Variants in KDM4A observed in about 807,000 individuals in gnomAD.
KDM4A encodes lysine demethylase 4A, also known as lysine-specific demethylase 4A.
Under a neutral mutation model 127.1 loss-of-function variants are expected in KDM4A, and 23 were observed. That is an observed-to-expected ratio of 0.18 (90% CI 0.13 to 0.26). The LOEUF (loss-of-function observed/expected upper bound fraction) is 0.26, where lower values mean the gene tolerates loss of function less well. Ranked by LOEUF, KDM4A falls within the 10% of genes least tolerant of loss-of-function variation. The pLI is 1.00. For synonymous variants in KDM4A, 443 were observed against 466.5 expected (o/e 0.95, Z 0.65); for missense variants, 890 against 1,329.1 (o/e 0.67, Z 5.14).
intron 11 of KDM4A, among the ~76,000 whole-genome samples, chr1:43,683,021 T>A (rs954452758): frequency 2.6e-5 from 4 of 152,240 alleles, no homozygotes; most frequent in African/African-American, 9.6e-5. Context: ...GCTCTGACAT[T>A]ATGTAAATGC....
In KDM4A at chr1:43,660,309, C is replaced by T; in HGVS notation, c.326C>T (p.Pro109Leu). The change falls in exon 4 of 22, where the codon CCA becomes CTA. Residue 109 changes from proline (P) to leucine (L), a missense_variant. Physicochemically the swap from Pro to Leu is moderately conservative, Grantham distance 98 (BLOSUM62 -3). Coordinates refer to ENST00000372396, the MANE Select transcript of KDM4A (RefSeq NM_014663.3). ...KIANSDKYCT[P>L]RYSEFEELER... is the part of the protein sequence containing the mutation. ...TTACTTTCAAAAAGGTACTGTACCCCACGCTATAGTGAGTTTGAAGAGCTC... is the reference window on the plus strand; with the variant it reads ...TTACTTTCAAAAAGGTACTGTACCCTACGCTATAGTGAGTTTGAAGAGCTC... 1 of 1,614,004 alleles carries T rather than the reference C, an allele frequency of 6.2e-7. No homozygotes were observed. Among genetic ancestry groups the T allele is most frequent in the South Asian group, 1.1e-5 (1 of 91,076 alleles).
intron 4 of KDM4A, among the ~76,000 whole-genome samples, chr1:43,662,616 C>T (rs186345259): frequency 1.3e-4 from 20 of 152,086 alleles, no homozygotes; most frequent in African/African-American, 4.8e-4. Context: ...CAAAAACAAA[C>T]GAAAAAACAA....
intron 19 of KDM4A, chr1:43,702,411 T>C (rs938848751): frequency 4.6e-5 from 7 of 152,190 alleles, no homozygotes; most frequent in African/African-American, 1.7e-4. Flanking sequence ...AAATGAATTG[T>C]CAATAAGTAG....
chr1:43,657,288 C>T (rs1183097840), intron 3 of KDM4A, among the ~76,000 whole-genome samples: 1 of 151,896 alleles, frequency 6.6e-6, no homozygotes, highest in Non-Finnish European at 1.5e-5. Flanking sequence ...CTGCAGCCTC[C>T]GCCTCCTGGG....
At chr1:43,651,841 T>G (rs1660120604) in intron 1 of KDM4A, among the ~76,000 whole-genome samples, 1 of 152,232 alleles carries the variant, frequency 6.6e-6, no homozygotes, top group Non-Finnish European at 1.5e-5. Flanking sequence ...TTTTGCTTTC[T>G]CCAATCAGTT....
rs1296543109 is a variant in KDM4A, at chr1:43,692,296, G to A, written c.2360G>A (p.Arg787Lys). 6.2e-7 allele frequency: 1 copy of A among 1,614,154 alleles called. No homozygotes were observed. Among genetic ancestry groups the A allele is most frequent in the South Asian group, 1.1e-5 (1 of 91,072 alleles). The change falls in exon 16 of 22, where the codon AGA (arginine) becomes AAA (lysine). Residue 787 changes from arginine to lysine, a missense_variant. By Grantham distance (26) the Arg-to-Lys change is conservative. This residue lies in a region of KDM4A where 246 missense variants were observed against 418.4 expected (regional missense o/e 0.59). Coordinates refer to ENST00000372396, the MANE Select transcript of KDM4A (RefSeq NM_014663.3). ...LCSLRGGALQ[R>K]ANDDRWVHVS... ...TCATTACGAGGAGGGGCCCTGCAGA[G>A]AGCAAATGATGACAGGTAAGTTTCC...
intron 5 of KDM4A, among the ~76,000 whole-genome samples, chr1:43,663,547 G>C (rs1660432590): frequency 6.6e-6 from 1 of 152,144 alleles, no homozygotes; most frequent in South Asian, 2.1e-4. Context: ...CTGTTCTCCA[G>C]AGTGTTATTC....
rs919016897 is a variant in KDM4A, at chr1:43,688,125, T to C, written c.1856-789T>C. 3.9e-5 allele frequency among the ~76,000 whole-genome samples: 6 copies of C among 152,158 alleles called. No individual in the cohort carries two copies. In the East Asian group the frequency reaches 5.8e-4, roughly 15 times the overall value. ...TGGGCAGCTGTGATGGGAGGATCAC[T>C]TGAGCCCAGGAGTTTGAGGCTGTGG... On this transcript the variant is annotated intron_variant, in intron 12 of 21. Transcript: ENST00000372396. This position sits in a 1 kb window ranked among gnomAD's most constrained non-coding sequence, Gnocchi z 4.4.
intron 10 of KDM4A, among the ~76,000 whole-genome samples, chr1:43,670,013 T>G (rs1199131023): frequency 6.6e-6 from 1 of 152,170 alleles, no homozygotes; most frequent in Non-Finnish European, 1.5e-5. Context: ...GGAGTTTCCC[T>G]CAATTGAATA....
At chr1:43,672,750 T>TC (rs1255456372) in intron 11 of KDM4A, among the ~76,000 whole-genome samples, 1 of 152,128 alleles carries the variant, frequency 6.6e-6, no homozygotes, top group Non-Finnish European at 1.5e-5. Flanking sequence ...TGCCTTGGCC[T>TC]CCCAAAGTAC....
Position 43,671,639 on chromosome 1 carries a change from G to A in KDM4A, c.1498G>A (p.Val500Ile). The A allele has an allele frequency of 6.2e-7, 1 of 1,613,602 alleles. No individual in the cohort carries two copies. The highest frequency in any genetic ancestry group is 8.5e-7 in the Non-Finnish European group (1 of 1,179,760). The change falls in exon 11 of 22, where the codon GTC becomes ATC. Residue 500 changes from valine to isoleucine, a missense_variant. By Grantham distance (29) the Val-to-Ile change is conservative (BLOSUM62 3). Around this residue, in one of 7 missense-constraint regions of KDM4A, gnomAD observed 389 missense variants for 485.9 expected, o/e 0.80. Coordinates refer to ENST00000372396, the MANE Select transcript of KDM4A (RefSeq NM_014663.3). ...VNPASVGGRL[V>I]FSGSKKKSSS... Reference sequence around the variant, plus strand: ...TCCTGCGTCTGTAGGGGGACGCCTTGTCTTCTCAGGCTCCAAAAAGAAATC... The same window carrying A: ...TCCTGCGTCTGTAGGGGGACGCCTTATCTTCTCAGGCTCCAAAAAGAAATC...
chr1:43,680,318 C>T (rs748445278), intron 11 of KDM4A, among the ~76,000 whole-genome samples: 18 of 152,094 alleles, frequency 1.2e-4, no homozygotes, highest in Admixed American at 3.3e-4. Flanking sequence ...GTATTCCCAC[C>T]GTATACTGGG....
intron 19 of KDM4A, chr1:43,702,420 A>G (rs1661421236): frequency 6.6e-6 from 1 of 152,218 alleles, no homozygotes; most frequent in African/African-American, 2.4e-5. Flanking sequence ...GTCAATAAGT[A>G]GGGAACTGTT....
chr1:43,690,761 C>A, intron 13 of KDM4A, 84 bp from the exon 14 acceptor site: 2 of 1,285,574 alleles, frequency 1.6e-6, no homozygotes, highest in Non-Finnish European at 1.1e-6. Flanking sequence ...GGTAAGAGAG[C>A]CAGCTTTCTG....
chr1:43,681,980 T>C (rs1364588040), intron 11 of KDM4A, among the ~76,000 whole-genome samples: 1 of 152,206 alleles, frequency 6.6e-6, no homozygotes, highest in Non-Finnish European at 1.5e-5. Flanking sequence ...ACTTACTTAT[T>C]GATTGGAGAC....
rs1010291205 is a variant in KDM4A at position 43,705,503 on chromosome 1, T to C, written c.*1133T>C. The C allele has an allele frequency of 4.6e-5, 7 of 152,664 alleles. No individual in the cohort carries two copies. The highest frequency in any genetic ancestry group is 1.7e-4 in the African/African-American group (7 of 41,448). The allele number at this position is 152,664 out of a possible 1,614,324, so 9.5% of individuals were successfully genotyped here. A position where few individuals can be genotyped will look rare whatever the true frequency, so the allele number is the denominator to read the frequency against. ...CATCACCTTGTCCTTAGCAATAAAA[T>C]GTGTTGAGCAGAGGATTGGCTGTCT... On this transcript the variant is annotated 3_prime_UTR_variant, in exon 22 of 22. Transcript: ENST00000372396.
chr1:43,651,509 T>G (rs1660112507), intron 1 of KDM4A, among the ~76,000 whole-genome samples: 1 of 152,216 alleles, frequency 6.6e-6, no homozygotes, highest in Non-Finnish European at 1.5e-5. Flanking sequence ...CTTACACAGT[T>G]GTGCTCCGTG....
chr1:43,665,547 C>T (rs544950739), intron 5 of KDM4A, 149 bp from the exon 6 acceptor site: 1 of 656,942 alleles, frequency 1.5e-6, no homozygotes, highest in African/African-American at 1.8e-5. Context: ...CCCAAACAGT[C>T]TAATATTTCA....
intron 8 of KDM4A, 132 bp downstream of exon 8, chr1:43,667,223 G>A: frequency 3.1e-6 from 3 of 964,042 alleles, no homozygotes. Context: ...CAATGTGTCA[G>A]AGTACTAACA....
Sources: allele counts gnomAD v4.1 joint callset (sites outside exome capture counted in the v4.1 genomes callset), GRCh38; gene constraint gnomAD v4.1.1; regional missense constraint gnomAD v4.1.1; non-coding constraint Gnocchi (gnomAD v3.1); transcripts MANE v1.5; gene names NCBI Gene and HGNC (gene_info 2026-07-23, HGNC 2026-07-21).